Variants in DUS1L observed in about 807,000 individuals in gnomAD.
The protein encoded by DUS1L is dihydrouridine synthase 1 like.
In DUS1L, 56 loss-of-function variants were observed where a neutral mutation model predicts 61.2. That is an observed-to-expected ratio of 0.92 (90% CI 0.74 to 1.14). DUS1L has a LOEUF of 1.14. Ranked by LOEUF, DUS1L falls within the 50% of genes most tolerant of loss-of-function variation. DUS1L has a pLI of 0.00. For synonymous variants in DUS1L, 278 were observed against 259.5 expected (o/e 1.07, Z -0.69); for missense variants, 630 against 632.4 (o/e 1.00, Z 0.04).
At position 82,058,124 on chromosome 17, in the gene DUS1L, G is replaced by A. The variant is rs2033152199; in HGVS notation, c.1413C>T (p.Ala471=). The part of the protein sequence containing the change: ...PGGFSEVMGS[A]LA ...TGGGGGTTGTGGGCCTTCAGGCCAG[G>A]GCACTGCCCATGACTTCGGAGAAGC... Residue 471 remains alanine (A), a synonymous_variant, in exon 14 of 14, where the codon GCC becomes GCT. Coordinates refer to ENST00000306796, the MANE Select transcript of DUS1L (RefSeq NM_022156.5). 6.4e-7 allele frequency: 1 copy of A among 1,574,630 alleles called. No homozygotes were observed. The highest frequency in any genetic ancestry group is 8.7e-7 in the Non-Finnish European group (1 of 1,155,542).
In DUS1L at chr17:82,063,458, G is replaced by A. The variant is rs1358557798; in HGVS notation, c.397+10C>T. The A allele has an allele frequency of 6.2e-7, 1 of 1,613,816 alleles. No homozygotes were observed. Among genetic ancestry groups the A allele is most frequent in the East Asian group, 2.2e-5 (1 of 44,886 alleles). ...CTGGGGGTCCTTCACCATCCACCCA[G>A]CCAACTCACTCATTCTTTGGAGCAG... On this transcript the variant is annotated intron_variant, in intron 4 of 13. Transcript: ENST00000306796.
At position 82,061,940 on chromosome 17, in the gene DUS1L, AG is replaced by A; in HGVS notation, c.553del (p.Leu185CysfsTer46). The A allele has an allele frequency of 6.2e-7, 1 of 1,610,884 alleles. No individual in the cohort carries two copies. Among genetic ancestry groups the A allele is most frequent in the South Asian group, 1.1e-5 (1 of 90,808 alleles). On this transcript the variant is annotated frameshift_variant, in exon 6 of 14. Coordinates refer to ENST00000306796, the MANE Select transcript of DUS1L (RefSeq NM_022156.5). LOFTEE classifies it high-confidence loss of function. ...HGRTKEQKGP[L>X]SGAASWEHIK... ...ATGCTCCCAGGACGCTGCACCCGACAGGGGCCCCTTCTGCTCCTTGGTGCGT... is the reference window on the plus strand; with the variant it reads ...ATGCTCCCAGGACGCTGCACCCGACAGGGCCCCTTCTGCTCCTTGGTGCGT...
intron 7 of DUS1L, 77 bp from the exon 8 acceptor site, chr17:82,061,430 G>T (rs1311573482): frequency 6.6e-7 from 1 of 1,525,554 alleles, no homozygotes. Flanking sequence ...GGGACACTCA[G>T]GACACCCTTC....
intron 5 of DUS1L, 35 bp from the exon 6 acceptor site, chr17:82,062,018 G>A (rs916367500): frequency 5.2e-6 from 8 of 1,530,778 alleles, no homozygotes; most frequent in African/African-American, 2.7e-5. Context: ...ACCCCTCCAA[G>A]CCCCTTCCGC....
Position 82,062,909 on chromosome 17 carries a change from A to G in DUS1L, c.462T>C (p.Ile154=). ...VTCKIRVFPE[I]DKTVRYAQML... ...TCTGGGCGTACCTCACGGTCTTGTCAATCTCCGGGAAGACACGGATTTTGC... is the reference window on the plus strand; with the variant it reads ...TCTGGGCGTACCTCACGGTCTTGTCGATCTCCGGGAAGACACGGATTTTGC... Residue 154 remains isoleucine (I), a synonymous_variant, in exon 5 of 14, where the codon ATT becomes ATC. Transcript: ENST00000306796. 1 of 1,613,044 alleles carries G rather than the reference A, an allele frequency of 6.2e-7. No homozygotes were observed. Among genetic ancestry groups the G allele is most frequent in the South Asian group, 1.1e-5 (1 of 91,086 alleles).
chr17:82,064,937 T>G lies in DUS1L; in HGVS notation c.123A>C (p.Ala41=). Residue 41 remains alanine, a synonymous_variant, in exon 2 of 14, where the codon GCA becomes GCC. Transcript: ENST00000306796. ...GCAGCATGGGCGTGTAGCAGAGCTG[T>G]GCCCCGTGGCGCCGGCTCAGCAGCC... ...AWRLLSRRHG[A]QLCYTPMLHA... 1 of 1,612,598 alleles carries G rather than the reference T, an allele frequency of 6.2e-7. No individual in the cohort carries two copies. The highest frequency in any genetic ancestry group is 8.5e-7 in the Non-Finnish European group (1 of 1,179,864).
chr17:82,062,044 C>T (rs559197877), intron 5 of DUS1L, 61 bp from the exon 6 acceptor site: 2 of 1,454,738 alleles, frequency 1.4e-6, no homozygotes, highest in South Asian at 2.6e-5. Flanking sequence ...AGAGCCCCCT[C>T]CGCCCCTCCA....
In DUS1L at chr17:82,060,851, GCC is replaced by G; in HGVS notation, c.939+12_939+13del. ...CCCCTGCAAGGCCGGGCTCCCACCA[GCC>G]CCAGCACCTGCCTGACACCGCAGCT... is the stretch of plus-strand genomic sequence containing the variant. On this transcript the variant is annotated intron_variant, in intron 9 of 13. Coordinates refer to ENST00000306796, the MANE Select transcript of DUS1L (RefSeq NM_022156.5). The G allele has an allele frequency of 1.9e-6, 3 of 1,611,860 alleles. No individual in the cohort carries two copies. The highest frequency in any genetic ancestry group is 2.5e-6 in the Non-Finnish European group (3 of 1,179,660).
chr17:82,063,262 G>T, intron 4 of DUS1L: 1 of 695,532 alleles, frequency 1.4e-6, no homozygotes, highest in South Asian at 1.8e-5. Context: ...CTACTGTCTG[G>T]TTTTAAGGGG....
chr17:82,060,677 G>T, intron 10 of DUS1L, 24 bp downstream of exon 10: 2 of 1,609,400 alleles, frequency 1.2e-6, no homozygotes, highest in Non-Finnish European at 1.7e-6. Flanking sequence ...GCACATCCCC[G>T]CCCAGGGCTG....
intron 4 of DUS1L, 75 bp from the exon 5 acceptor site, chr17:82,063,048 C>T: frequency 1.5e-6 from 2 of 1,330,538 alleles, no homozygotes; most frequent in East Asian, 2.3e-5. Context: ...GAGCCCAGGG[C>T]CCTGCAGACA....
At chr17:82,063,568 G>A (rs2033615144) in intron 3 of DUS1L, 50 bp from the exon 4 acceptor site, 1 of 1,610,250 alleles carries the variant, frequency 6.2e-7, no homozygotes, top group Non-Finnish European at 8.5e-7. Flanking sequence ...AGGCTGGTGG[G>A]GCCGAAGCCT....
chr17:82,063,861 AATGGGGACCCTGTATCAGCAATCATGTTT>A (rs2033633206), intron 3 of DUS1L, among the ~76,000 whole-genome samples: 1 of 152,174 alleles, frequency 6.6e-6, no homozygotes, highest in Admixed American at 6.5e-5. Context: ...GCAAGGGGGT[AATGGGGACCCTGTATCAGCAATCATGTTT>A]ATGCAGAGGG....
Position 82,058,801 on chromosome 17 carries a change from C to T in DUS1L, c.1186G>A (p.Asp396Asn), listed in dbSNP as rs1358413359. Reference sequence around the variant, plus strand: ...CTCACCTTTGGGTTTCCACACTGGTCACACTTTGCATATTTTGCTAGGAAA... The same window carrying T: ...CTCACCTTTGGGTTTCCACACTGGTTACACTTTGCATATTTTGCTAGGAAA... ...PSLKPKYAKC[D>N]QCGNPKGNRC... Residue 396 changes from aspartate to asparagine, a missense_variant, in exon 12 of 14, where the codon GAC becomes AAC. Transcript: ENST00000306796. The T allele has an allele frequency of 6.2e-7, 1 of 1,613,276 alleles. No individual in the cohort carries two copies. Among genetic ancestry groups the T allele is most frequent in the Non-Finnish European group, 8.5e-7 (1 of 1,179,900 alleles).
rs375155958 is a variant in DUS1L, at chr17:82,062,964, G to A, written c.407C>T (p.Ala136Val). The stretch of plus-strand genomic sequence containing the variant: ...GACAGGAACAGAGAGTTTCTCGTGG[G>A]CCAGCAAAACTGGGGAGAAGAGAGG... ...WDLLQRMILL[A>V]HEKLSVPVTC... is the part of the protein sequence containing the mutation. Residue 136 changes from alanine (A) to valine (V), a missense_variant, in exon 5 of 14, where the codon GCC becomes GTC. Transcript: ENST00000306796. The A allele has an allele frequency of 1.2e-6, 2 of 1,612,772 alleles. No individual in the cohort carries two copies. Among genetic ancestry groups the A allele is most frequent in the East Asian group, 2.2e-5 (1 of 44,882 alleles).
chr17:82,062,723 G>A (rs1444364285), intron 5 of DUS1L, 138 bp downstream of exon 5: 3 of 702,734 alleles, frequency 4.3e-6, no homozygotes, highest in Non-Finnish European at 7.2e-6. Context: ...GAGCCAGTGG[G>A]GACAGGCCAG....
intron 7 of DUS1L, 96 bp from the exon 8 acceptor site, chr17:82,061,449 C>T: frequency 2.0e-6 from 3 of 1,503,570 alleles, no homozygotes; most frequent in East Asian, 2.3e-5. Context: ...TCTGTGCCAC[C>T]TCACAAGGGA....
chr17:82,060,304 C>T, intron 10 of DUS1L: 1 of 656,792 alleles, frequency 1.5e-6, no homozygotes, highest in Non-Finnish European at 2.5e-6. Flanking sequence ...CTCGGGCAGC[C>T]CCAAGCTCTG....
At chr17:82,063,074 C>G (rs2033589690) in intron 4 of DUS1L, 101 bp from the exon 5 acceptor site, 1 of 1,082,650 alleles carries the variant, frequency 9.2e-7, no homozygotes, top group Non-Finnish European at 1.4e-6. Flanking sequence ...GCCCAGGCAG[C>G]TTTGCCGGGA....
Sources: allele counts gnomAD v4.1 joint callset (sites outside exome capture counted in the v4.1 genomes callset), GRCh38; gene constraint gnomAD v4.1.1; transcripts MANE v1.5; gene names NCBI Gene and HGNC (gene_info 2026-07-23, HGNC 2026-07-21).